The following SBF2 variants were observed in gnomAD, a reference collection of about 807,000 sequenced individuals.
The protein encoded by SBF2 is myotubularin-related protein 13.
Under a neutral mutation model 225.2 loss-of-function variants are expected in SBF2, and 112 were observed. That is an observed-to-expected ratio of 0.50 (90% CI 0.43 to 0.58). The LOEUF is 0.58. SBF2 is among the 20% of genes least tolerant of loss of function. The pLI is 0.00. For synonymous variants in SBF2, 763 were observed against 773.3 expected, an observed-to-expected ratio of 0.99 and a Z score of 0.22; for missense variants, 1,996 against 2,206.2, an observed-to-expected ratio of 0.90 and a Z score of 1.91.
At chr11:10,258,970 T>A (rs1364391634) in intron 1 of SBF2, among the ~76,000 whole-genome samples, 1 of 152,038 alleles carries the variant, frequency 6.6e-6, no homozygotes, top group African/African-American at 2.4e-5. Flanking sequence ...AGAGAAGGCA[T>A]AGAGAAAAGT....
At chr11:10,008,084 T>G (rs1264161887) in intron 6 of SBF2, among the ~76,000 whole-genome samples, 1 of 152,202 alleles carries the variant, frequency 6.6e-6, no homozygotes, top group Non-Finnish European at 1.5e-5. Flanking sequence ...GTGGCTACCC[T>G]GTAGGAGCCA....
chr11:9,960,639 C>G (rs1323971444), intron 16 of SBF2: 1 of 151,012 alleles, frequency 6.6e-6, no homozygotes, highest in Non-Finnish European at 1.5e-5. Flanking sequence ...ATAAGTGTGC[C>G]AATTCTACAC....
chr11:9,796,567 G>C (rs991318841), intron 32 of SBF2, among the ~76,000 whole-genome samples: 2 of 152,120 alleles, frequency 1.3e-5, no homozygotes, highest in Non-Finnish European at 2.9e-5. Context: ...GTGTCTGAAG[G>C]CAATCCAGAA....
chr11:10,066,412 A>G (rs1950625637), intron 2 of SBF2, among the ~76,000 whole-genome samples: 1 of 151,888 alleles, frequency 6.6e-6, no homozygotes, highest in African/African-American at 2.4e-5. Flanking sequence ...ACATATCATG[A>G]CCAAGCGGGG....
chr11:9,915,438 T>C (rs1445153308), intron 16 of SBF2, among the ~76,000 whole-genome samples: 1 of 95,328 alleles, frequency 1.0e-5, no homozygotes, highest in South Asian at 3.4e-4. Context: ...AGAGCAAGAG[T>C]CCGTCTCAAA....
intron 2 of SBF2, among the ~76,000 whole-genome samples, chr11:10,100,211 C>G (rs527991841): frequency 1.3e-5 from 2 of 152,342 alleles, no homozygotes; most frequent in African/African-American, 4.8e-5. Context: ...AAACTCCAAT[C>G]TCCTGCAAAA....
At chr11:10,052,077 T>C (rs73410867) in intron 2 of SBF2, among the ~76,000 whole-genome samples, 2,198 of 151,910 alleles carry the variant, frequency 0.014, 38 homozygotes, top group African/African-American at 0.037. Flanking sequence ...CACTAAAAGA[T>C]AGTAAGCAGG....
Position 10,004,364 on chromosome 11 carries a change from T to C in SBF2, c.620-1675A>G, listed in dbSNP as rs116607004. On this transcript the variant is annotated intron_variant, in intron 6 of 39. Transcript: ENST00000256190. ...TGGTACACTTAAACAACAGTGGAAA[T>C]GAATGAGCTAGTATTGTATGTATTA... Among the ~76,000 whole-genome samples, 634 of 152,046 alleles carry C rather than the reference T, an allele frequency of 4.2e-3. 4 individuals are homozygous for C. The highest frequency in any genetic ancestry group is 0.015 in the African/African-American group (607 of 41,492).
intron 2 of SBF2, among the ~76,000 whole-genome samples, chr11:10,079,318 T>C (rs1236461466): frequency 3.3e-5 from 5 of 152,164 alleles, no homozygotes; most frequent in Admixed American, 2.6e-4. Flanking sequence ...CAAAGATACA[T>C]ACAACTACAT....
At chr11:9,911,905 G>A (rs370634288) in intron 16 of SBF2, among the ~76,000 whole-genome samples, 1 of 152,256 alleles carries the variant, frequency 6.6e-6, no homozygotes, top group Non-Finnish European at 1.5e-5. Context: ...TAACCTAGGC[G>A]TGGAATACGC....
At chr11:9,887,251 G>A (rs1860408683) in intron 17 of SBF2, among the ~76,000 whole-genome samples, 1 of 151,460 alleles carries the variant, frequency 6.6e-6, no homozygotes, top group African/African-American at 2.4e-5. Flanking sequence ...AATTTAATAA[G>A]ATTAAAAATA....
At chr11:9,902,352 A>G (rs1316355281) in intron 16 of SBF2, among the ~76,000 whole-genome samples, 6 of 152,186 alleles carry the variant, frequency 3.9e-5, no homozygotes, top group Non-Finnish European at 2.9e-5. Flanking sequence ...AACTCTTTCA[A>G]TCAGTAGCCA....
At chr11:9,911,834 G>T (rs1862644541) in intron 16 of SBF2, among the ~76,000 whole-genome samples, 1 of 152,204 alleles carries the variant, frequency 6.6e-6, no homozygotes, top group Non-Finnish European at 1.5e-5. Flanking sequence ...ACTGCCTACA[G>T]TATTCAGTAT....
At chr11:9,974,827 G>C (rs1160610969) in intron 13 of SBF2, among the ~76,000 whole-genome samples, 1 of 151,424 alleles carries the variant, frequency 6.6e-6, no homozygotes, top group African/African-American at 2.4e-5. Context: ...AGGTGTGGTG[G>C]TGTATGCCTA....
chr11:9,811,846 C>A (rs896427508), intron 30 of SBF2, among the ~76,000 whole-genome samples: 11 of 151,888 alleles, frequency 7.2e-5, no homozygotes, highest in African/African-American at 2.4e-4. Context: ...CCAGGCGTGG[C>A]AGCTCATGCC....
At chr11:10,066,334 A>G (rs549899208) in intron 2 of SBF2, among the ~76,000 whole-genome samples, 9 of 150,598 alleles carry the variant, frequency 6.0e-5, no homozygotes, top group Non-Finnish European at 1.0e-4. Context: ...ATATATCTAT[A>G]TATCTATATC....
chr11:10,086,627 T>C (rs1464489059), intron 2 of SBF2, among the ~76,000 whole-genome samples: 1 of 152,210 alleles, frequency 6.6e-6, no homozygotes, highest in Non-Finnish European at 1.5e-5. Flanking sequence ...TGGGCACTTT[T>C]GTATTTCAAT....
intron 17 of SBF2, among the ~76,000 whole-genome samples, chr11:9,889,567 G>T (rs115700583): frequency 0.018 from 2,745 of 152,158 alleles, 93 homozygotes; most frequent in African/African-American, 0.062. Context: ...ATTTATAAGA[G>T]AATTAGTTTA....
intron 2 of SBF2, among the ~76,000 whole-genome samples, chr11:10,137,949 G>A (rs187022663): frequency 9.2e-5 from 14 of 152,152 alleles, no homozygotes; most frequent in Admixed American, 7.9e-4. Flanking sequence ...GCAGTGAGCC[G>A]AGATTGTGCC....
Sources: allele counts gnomAD v4.1 joint callset (sites outside exome capture counted in the v4.1 genomes callset), GRCh38; gene constraint gnomAD v4.1.1; transcripts MANE v1.5; gene names NCBI Gene and HGNC (gene_info 2026-07-23, HGNC 2026-07-21).